EYA1: variants seen among roughly 807,000 people sequenced by gnomAD.
EYA1 encodes the protein protein phosphatase EYA1.
EYA1 carries 16 observed loss-of-function variants against 82.0 expected under a neutral mutation model. The observed-to-expected ratio is 0.20, with a 90% CI of 0.13 to 0.30. EYA1 has a LOEUF of 0.30. Among genes scored for constraint, EYA1 ranks in the 10% least tolerant of loss-of-function variants. The pLI is 1.00. For synonymous variants in EYA1, 261 were observed against 264.4 expected (o/e 0.99, Z 0.12); for missense variants, 633 against 730.7 (o/e 0.87, Z 1.54).
intron 2 of EYA1, among the ~76,000 whole-genome samples, chr8:71,377,616 T>G (rs886711690): frequency 2.0e-5 from 3 of 152,202 alleles, no homozygotes; most frequent in African/African-American, 7.2e-5. Flanking sequence ...ATTTTACACA[T>G]TTTTAAGCAT....
At chr8:71,357,876 T>G (rs1827037072) in intron 1 of EYA1, among the ~76,000 whole-genome samples, 1 of 152,214 alleles carries the variant, frequency 6.6e-6, no homozygotes, top group African/African-American at 2.4e-5. Context: ...GATAACAACC[T>G]TCTGCGATTT....
intron 11 of EYA1, among the ~76,000 whole-genome samples, chr8:71,255,668 T>C (rs957691842): frequency 6.6e-6 from 1 of 152,132 alleles, no homozygotes; most frequent in Non-Finnish European, 1.5e-5. Context: ...TGACATTGGA[T>C]TTGTCAATGA....
intron 2 of EYA1, among the ~76,000 whole-genome samples, chr8:71,415,199 C>T (rs908770267): frequency 6.6e-6 from 1 of 152,190 alleles, no homozygotes; most frequent in Non-Finnish European, 1.5e-5. Flanking sequence ...TCTTCCTCCT[C>T]TTCTTTGACT....
At chr8:71,360,483 C>G (rs954557400) in intron 1 of EYA1, among the ~76,000 whole-genome samples, 15 of 152,180 alleles carry the variant, frequency 9.9e-5, no homozygotes, top group African/African-American at 3.4e-4. Context: ...TAAAACTGAA[C>G]AGTGGCTCAA....
chr8:71,529,897 T>G (rs1814131629), intron 2 of EYA1: 2 of 152,206 alleles, frequency 1.3e-5, no homozygotes, highest in South Asian at 4.1e-4. Context: ...CATGGTAAGT[T>G]CCATTACTTG....
chr8:71,418,510 T>C (rs1830973847), intron 2 of EYA1, among the ~76,000 whole-genome samples: 1 of 152,164 alleles, frequency 6.6e-6, no homozygotes, highest in African/African-American at 2.4e-5. Context: ...AGAATGCTAG[T>C]AACACAAACT....
intron 2 of EYA1, among the ~76,000 whole-genome samples, chr8:71,406,528 G>A (rs554041787): frequency 4.0e-4 from 61 of 152,246 alleles, no homozygotes; most frequent in African/African-American, 1.4e-3. Flanking sequence ...CACCGTGTGC[G>A]AGCCGAAGCA....
At chr8:71,424,814 A>G (rs2129153445) in intron 2 of EYA1, among the ~76,000 whole-genome samples, 1 of 152,194 alleles carries the variant, frequency 6.6e-6, no homozygotes, top group South Asian at 2.1e-4. Flanking sequence ...ACTGGGTTAC[A>G]TGTGACTTCC....
intron 2 of EYA1, among the ~76,000 whole-genome samples, chr8:71,531,689 G>T (rs1563710377): frequency 2.0e-5 from 3 of 152,090 alleles, no homozygotes; most frequent in Admixed American, 6.5e-5. Flanking sequence ...AACCACTAAG[G>T]TATCAGCAGT....
chr8:71,248,616 G>C (rs1401191200), intron 11 of EYA1, among the ~76,000 whole-genome samples: 1 of 152,190 alleles, frequency 6.6e-6, no homozygotes, highest in Non-Finnish European at 1.5e-5. Flanking sequence ...AGAGTGCAAA[G>C]CCATCTCACC....
rs1822174903 is a variant in EYA1, at chr8:71,318,513, T to C, written c.419-824A>G. Among the ~76,000 whole-genome samples the C allele has an allele frequency of 2.6e-5, 4 of 152,198 alleles. No homozygotes were observed. The South Asian group carries it at 8.3e-4, about 32-fold the overall frequency. ...TTCCCCAAACACCAGGCTAACATCG[T>C]AATTTTGGGACTTGGATTTGGCAGC... On this transcript the variant is annotated intron_variant, in intron 6 of 17. Transcript: ENST00000340726.
At chr8:71,527,431 A>G (rs1423784953) in intron 2 of EYA1, among the ~76,000 whole-genome samples, 3 of 152,242 alleles carry the variant, frequency 2.0e-5, no homozygotes, top group African/African-American at 7.2e-5. Flanking sequence ...TCATTTTACA[A>G]ATAAAGAAAA....
At chr8:71,467,557 C>G (rs1160645311) in intron 2 of EYA1, among the ~76,000 whole-genome samples, 1 of 152,108 alleles carries the variant, frequency 6.6e-6, no homozygotes, top group South Asian at 2.1e-4. Context: ...TTTTTCATGT[C>G]TCTAGGGTAC....
At position 71,215,132 on chromosome 8, in the gene EYA1, G is replaced by A. The variant is rs199655367; in HGVS notation, c.1597+255C>T. Reference sequence around the variant, plus strand: ...AAAAATATGATAATAATCCAGAATCGATGCTGTTACTCTACCTAAAATGCC... The same window carrying A: ...AAAAATATGATAATAATCCAGAATCAATGCTGTTACTCTACCTAAAATGCC... On this transcript the variant is annotated intron_variant, in intron 16 of 17. Coordinates refer to ENST00000340726, the MANE Select transcript of EYA1 (RefSeq NM_000503.6). Among the ~76,000 whole-genome samples, 37 of 152,204 alleles carry A rather than the reference G, an allele frequency of 2.4e-4. 1 individual carries two copies. The East Asian group carries it at 6.6e-3, about 27-fold the overall frequency.
At chr8:71,364,124 G>A (rs1242472860), upstream of EYA1, among the ~76,000 whole-genome samples, 1 of 151,750 alleles carries the variant, frequency 6.6e-6, no homozygotes, top group East Asian at 1.9e-4. Context: ...AAGAAAATTA[G>A]TAAAATCATG....
At chr8:71,353,521 TA>T (rs1385873197) in intron 3 of EYA1, among the ~76,000 whole-genome samples, 3 of 152,248 alleles carry the variant, frequency 2.0e-5, no homozygotes, top group Non-Finnish European at 2.9e-5. Flanking sequence ...CCCATTTTCA[TA>T]AACACTTGAA....
chr8:71,295,887 G>A (rs1489804537), intron 9 of EYA1, among the ~76,000 whole-genome samples: 1 of 152,018 alleles, frequency 6.6e-6, no homozygotes, highest in Non-Finnish European at 1.5e-5. Context: ...TTTAAGACAT[G>A]AGTTTAAAGA....
chr8:71,536,509 CA>C lies in EYA1; in HGVS notation c.-72-662del, dbSNP rs906060718. On this transcript the variant is annotated intron_variant, in intron 1 of 18. Coordinates refer to the EYA1 transcript ENST00000643681. ...AATATATTCTACATGTAGCTATCTT[CA>C]AAAAAAAATATAGCAATTTAAATGC... Among the ~76,000 whole-genome samples the C allele has an allele frequency of 1.8e-3, 267 of 150,614 alleles. 1 individual carries two copies. Among genetic ancestry groups the C allele is most frequent in the African/African-American group, 3.6e-3 (148 of 41,142 alleles).
intron 9 of EYA1, among the ~76,000 whole-genome samples, chr8:71,296,983 T>C (rs1163691395): frequency 6.6e-6 from 1 of 152,146 alleles, no homozygotes; most frequent in Non-Finnish European, 1.5e-5. Flanking sequence ...CTCAGTGAAC[T>C]TTCCACTTCT....
Sources: gnomAD v4.1 joint callset for allele counts (sites outside exome capture counted in the v4.1 genomes callset) on GRCh38, gnomAD v4.1.1 for gene constraint, MANE v1.5 for transcripts, NCBI Gene and HGNC (gene_info 2026-07-23, HGNC 2026-07-21) for gene names.